The following CREB5 variants were observed in gnomAD, a reference collection of about 807,000 sequenced individuals.
CREB5 encodes the protein cyclic AMP-responsive element-binding protein 5.
CREB5 carries 19 observed loss-of-function variants against 57.1 expected under a neutral mutation model. That is an observed-to-expected ratio of 0.33 (90% CI 0.23 to 0.49). CREB5 has a LOEUF of 0.49. CREB5 is among the 20% of genes least tolerant of loss of function. The probability of loss-of-function intolerance (pLI) is 0.99; values close to 1 mark genes in which losing one functional copy is unlikely to be tolerated. For missense variants in CREB5, 579 were observed against 671.6 expected, an observed-to-expected ratio of 0.86 and a Z score of 1.52; for synonymous variants, 238 against 238.3, an observed-to-expected ratio of 1.00 and a Z score of 0.01.
intron 1 of CREB5, among the ~76,000 whole-genome samples, chr7:28,453,001 C>T (rs369709919): frequency 7.9e-4 from 120 of 152,262 alleles, no homozygotes; most frequent in African/African-American, 2.6e-3. Context: ...ATGTGCAGCC[C>T]GACATGGGTG....
At chr7:28,416,290 T>C (rs1788019804) in intron 1 of CREB5, among the ~76,000 whole-genome samples, 1 of 152,216 alleles carries the variant, frequency 6.6e-6, no homozygotes. Context: ...CAGCCAGTTT[T>C]ATGCAGTCCT....
intron 5 of CREB5, among the ~76,000 whole-genome samples, chr7:28,621,326 T>G (rs894126019): frequency 1.3e-5 from 2 of 152,162 alleles, no homozygotes; most frequent in Non-Finnish European, 2.9e-5. Context: ...TTATGATAGT[T>G]ATGAACAAGG....
intron 1 of CREB5, among the ~76,000 whole-genome samples, chr7:28,372,324 C>T (rs1048781478): frequency 2.0e-5 from 3 of 152,110 alleles, no homozygotes. Context: ...GGGAGGGTTT[C>T]CCCTAGAAGG....
In CREB5 at chr7:28,402,181, A is replaced by C. The variant is rs191654747; in HGVS notation, c.-24-92725A>C. 6.7e-3 allele frequency among the ~76,000 whole-genome samples: 1,017 copies of C among 152,210 alleles called. 11 individuals carry two copies. The highest frequency in any genetic ancestry group is 0.023 in the African/African-American group (950 of 41,522). Reference sequence around the variant, plus strand: ...TGGCCAGTGATGATGAGCATTTTTTAATGTGTCTGTTGGCTGCATAAATGT... The same window carrying C: ...TGGCCAGTGATGATGAGCATTTTTTCATGTGTCTGTTGGCTGCATAAATGT... On this transcript the variant is annotated intron_variant, in intron 1 of 9. Coordinates refer to the CREB5 transcript ENST00000396299.
At chr7:28,336,370 G>C (rs1189178245) in intron 1 of CREB5, among the ~76,000 whole-genome samples, 1 of 151,944 alleles carries the variant, frequency 6.6e-6, no homozygotes, top group Non-Finnish European at 1.5e-5. Context: ...CTTTGATCTT[G>C]TTGCTTGTTA....
intron 1 of CREB5, among the ~76,000 whole-genome samples, chr7:28,477,405 A>C (rs1161318308): frequency 6.8e-6 from 1 of 146,524 alleles, no homozygotes; most frequent in East Asian, 2.0e-4. Context: ...GGTTTTTCCT[A>C]GCATATGATC....
chr7:28,381,285 T>C (rs905398086), intron 1 of CREB5, among the ~76,000 whole-genome samples: 4 of 152,226 alleles, frequency 2.6e-5, no homozygotes, highest in African/African-American at 7.2e-5. Context: ...AGGGAGCCCA[T>C]GTATATTGAG....
rs1180392566 is a variant in CREB5, at chr7:28,560,919, T to TGTGCGTGC, written c.292-9441_292-9440insTGCGTGCG. ...GTGCGTGCGCGCGTGCGTGTGCGTG[T>TGTGCGTGC]GTGCGCGTGCGTGTGTGCGTGCGTG... On this transcript the variant is annotated intron_variant, in intron 4 of 10. Coordinates refer to ENST00000357727, the MANE Select transcript of CREB5 (RefSeq NM_182898.4). 1.4e-4 allele frequency among the ~76,000 whole-genome samples: 6 copies of TGTGCGTGC among 42,996 alleles called. 2 individuals are homozygous for TGTGCGTGC. Among genetic ancestry groups the TGTGCGTGC allele is most frequent in the Non-Finnish European group, 2.7e-4 (6 of 22,260 alleles). 28.2% of individuals were successfully genotyped at this position (42,996 alleles called of 152,430 possible).
Position 28,377,945 on chromosome 7 carries a change from AC to A in CREB5, c.-25+78505del, listed in dbSNP as rs66501263. Among the ~76,000 whole-genome samples the A allele has an allele frequency of 1.5e-3, 220 of 144,420 alleles. 9 individuals carry two copies. The highest frequency in any genetic ancestry group is 5.0e-3 in the African/African-American group (196 of 39,256). 94.7% of individuals were successfully genotyped at this position (144,420 alleles called of 152,430 possible). ...AGACTCTATCTCAAAAAAAAAAAAAACAAAAAAGAAAAAGAAAAAGAAAAAA... is the reference window on the plus strand; with the variant it reads ...AGACTCTATCTCAAAAAAAAAAAAAAAAAAAAGAAAAAGAAAAAGAAAAAA... On this transcript the variant is annotated intron_variant, in intron 1 of 9. Transcript: ENST00000396299.
chr7:28,512,874 C>T (rs1258075493), intron 4 of CREB5, among the ~76,000 whole-genome samples: 1 of 152,198 alleles, frequency 6.6e-6, no homozygotes. Context: ...GAAATTAGGA[C>T]ATTTCCATGC....
chr7:28,737,597 C>T (rs1392940560), intron 7 of CREB5, among the ~76,000 whole-genome samples: 5 of 122,434 alleles, frequency 4.1e-5, no homozygotes, highest in Admixed American at 9.0e-5. Flanking sequence ...ATTTTTAACT[C>T]CTGTTTCAAA....
At chr7:28,317,056 T>C (rs546596127) in intron 1 of CREB5, among the ~76,000 whole-genome samples, 1 of 150,924 alleles carries the variant, frequency 6.6e-6, no homozygotes, top group African/African-American at 2.4e-5. Context: ...CTTATAGAAC[T>C]GACGCCCACA....
At chr7:28,672,224 A>T (rs1319726708) in intron 5 of CREB5, among the ~76,000 whole-genome samples, 1 of 144,862 alleles carries the variant, frequency 6.9e-6, no homozygotes, top group African/African-American at 2.6e-5. Flanking sequence ...CAAACACTGG[A>T]CTAGGTTTTA....
intron 4 of CREB5, among the ~76,000 whole-genome samples, chr7:28,549,530 C>G (rs994383106): frequency 5.9e-5 from 9 of 152,200 alleles, no homozygotes; most frequent in Non-Finnish European, 1.2e-4. Flanking sequence ...CTGTTCTTCA[C>G]TTCCTTAGGA....
At chr7:28,507,565 T>G in intron 3 of CREB5, 51 bp from the exon 4 acceptor site, 1 of 1,560,158 alleles carries the variant, frequency 6.4e-7, no homozygotes, top group Non-Finnish European at 8.7e-7. Context: ...TGCTTGCTAC[T>G]GGCTTTTGAG....
chr7:28,695,116 A>T (rs565376068), intron 5 of CREB5, among the ~76,000 whole-genome samples: 1 of 152,294 alleles, frequency 6.6e-6, no homozygotes, highest in Admixed American at 6.5e-5. Flanking sequence ...GGTCCCAGCC[A>T]CTTGGGAGAC....
At chr7:28,373,827 C>T (rs2127994502) in intron 1 of CREB5, among the ~76,000 whole-genome samples, 1 of 151,958 alleles carries the variant, frequency 6.6e-6, no homozygotes, top group African/African-American at 2.4e-5. Flanking sequence ...AATGAAAGCA[C>T]TTAAAAAATA....
chr7:28,327,760 C>G (rs1023802510), intron 1 of CREB5, among the ~76,000 whole-genome samples: 4 of 152,100 alleles, frequency 2.6e-5, no homozygotes, highest in African/African-American at 9.7e-5. Flanking sequence ...CAGAATTTCA[C>G]TGAAATAATT....
At chr7:28,762,856 A>G (rs921760196) in intron 7 of CREB5, among the ~76,000 whole-genome samples, 1 of 152,060 alleles carries the variant, frequency 6.6e-6, no homozygotes, top group East Asian at 1.9e-4. Flanking sequence ...TTTGTTTAAT[A>G]GCTGAAACAC....
Sources: gnomAD v4.1 joint callset for allele counts (sites outside exome capture counted in the v4.1 genomes callset) on GRCh38, gnomAD v4.1.1 for gene constraint, MANE v1.5 for transcripts, NCBI Gene and HGNC (gene_info 2026-07-23, HGNC 2026-07-21) for gene names.